Variants in FOXO3 observed in about 807,000 individuals in gnomAD.
FOXO3 encodes forkhead box O3.
Under a neutral mutation model 41.9 loss-of-function variants are expected in FOXO3, and 4 were observed. The ratio of observed to expected loss-of-function variants is 0.10; its 90% CI spans 0.05 to 0.22. The LOEUF (loss-of-function observed/expected upper bound fraction) is 0.22. FOXO3 is among the 10% of genes least tolerant of loss of function. FOXO3 has a pLI of 1.00. For synonymous variants in FOXO3, 318 were observed against 389.3 expected (o/e 0.82, Z 2.16); for missense variants, 534 against 906.8 (o/e 0.59, Z 5.28).
At chr6:108,675,725 C>T (rs1770561197) in intron 2 of FOXO3, among the ~76,000 whole-genome samples, 1 of 152,170 alleles carries the variant, frequency 6.6e-6, no homozygotes, top group African/African-American at 2.4e-5. Flanking sequence ...ACTAGGAAAA[C>T]AGTTGATAAC....
intron 1 of FOXO3, among the ~76,000 whole-genome samples, chr6:108,632,823 A>T (rs762185226): frequency 6.6e-6 from 1 of 152,162 alleles, no homozygotes; most frequent in Non-Finnish European, 1.5e-5. Context: ...GGAGGGGTAT[A>T]TGGAGAGATT....
intron 1 of FOXO3, among the ~76,000 whole-genome samples, chr6:108,653,097 G>A (rs939458091): frequency 6.6e-6 from 1 of 152,196 alleles, no homozygotes; most frequent in African/African-American, 2.4e-5. Context: ...CCAGTGATGA[G>A]ACTTTTCAAC....
At chr6:108,679,521 C>T (rs1183446663) in intron 2 of FOXO3, among the ~76,000 whole-genome samples, 1 of 152,146 alleles carries the variant, frequency 6.6e-6, no homozygotes, top group Non-Finnish European at 1.5e-5. Flanking sequence ...AAAAAGGACC[C>T]ACCAAAACAC....
chr6:108,618,401 G>C, intron 1 of FOXO3: 1 of 489,052 alleles, frequency 2.0e-6, no homozygotes, highest in Non-Finnish European at 3.8e-6. Flanking sequence ...AGCAGCAGAT[G>C]AAGGAGAGGG....
intron 1 of FOXO3, among the ~76,000 whole-genome samples, chr6:108,629,414 AAGACTACCAGTAGGGAG>A (rs1777898898): frequency 6.6e-6 from 1 of 152,118 alleles, no homozygotes; most frequent in Admixed American, 6.6e-5. Flanking sequence ...AAGGTAAGGA[AAGACTACCAGTAGGGAG>A]AGGTCTGGTA....
intron 1 of FOXO3, among the ~76,000 whole-genome samples, chr6:108,605,430 TC>T (rs1777172382): frequency 6.6e-6 from 1 of 152,350 alleles, no homozygotes; most frequent in African/African-American, 2.4e-5. Flanking sequence ...CTATTTTTTT[TC>T]ATTTTATTTT....
In FOXO3 at chr6:108,600,651, T is replaced by C. The variant is rs189374750; in HGVS notation, c.621+38822T>C. On this transcript the variant is annotated intron_variant, in intron 1 of 2. Transcript: ENST00000406360. The stretch of plus-strand genomic sequence containing the variant: ...CAACCTATAATTCTGCAATCAATTA[T>C]TGTTAATTTTTTGTGTGCATATTTC... Among the ~76,000 whole-genome samples, 502 of 152,138 alleles carry C rather than the reference T, an allele frequency of 3.3e-3. 2 individuals are homozygous for C. The highest frequency in any genetic ancestry group is 5.2e-3 in the Non-Finnish European group (355 of 68,016).
intron 1 of FOXO3, among the ~76,000 whole-genome samples, chr6:108,661,774 C>G (rs779228353): frequency 2.0e-5 from 3 of 152,208 alleles, no homozygotes; most frequent in Non-Finnish European, 4.4e-5. Context: ...TGGGTCATCA[C>G]TGTCAACTGG....
At chr6:108,591,682 G>A (rs547009688) in intron 1 of FOXO3, among the ~76,000 whole-genome samples, 6 of 152,210 alleles carry the variant, frequency 3.9e-5, no homozygotes, top group Admixed American at 3.3e-4. Flanking sequence ...TCAAGTTATC[G>A]TTTTTCTTTC....
rs182246185 is a variant in FOXO3 at position 108,676,086 on chromosome 6, G to A, written c.*35-3741G>A. On this transcript the variant is annotated intron_variant, in intron 2 of 2. Coordinates refer to ENST00000406360, the MANE Select transcript of FOXO3 (RefSeq NM_001455.4). Reference sequence around the variant, plus strand: ...CACCAGAGACCAGATGACAGCATCCGTAGATATTTTTAGAATGGACCTCAT... The same window carrying A: ...CACCAGAGACCAGATGACAGCATCCATAGATATTTTTAGAATGGACCTCAT... 2.0e-5 allele frequency among the ~76,000 whole-genome samples: 3 copies of A among 152,268 alleles called. No homozygotes were observed. The East Asian group carries it at 5.8e-4, about 29-fold the overall frequency.
chr6:108,623,369 G>T (rs1238408762), intron 1 of FOXO3, among the ~76,000 whole-genome samples: 1 of 152,214 alleles, frequency 6.6e-6, no homozygotes, highest in African/African-American at 2.4e-5. Flanking sequence ...GAACCCACCT[G>T]CACATGTAAA....
At chr6:108,575,829 T>C (rs1031142101) in intron 1 of FOXO3, among the ~76,000 whole-genome samples, 2 of 152,184 alleles carry the variant, frequency 1.3e-5, no homozygotes, top group African/African-American at 4.8e-5. Flanking sequence ...CACAGACTAA[T>C]AACATTTTGA....
chr6:108,633,576 T>A (rs1778033601), intron 1 of FOXO3, among the ~76,000 whole-genome samples: 1 of 152,202 alleles, frequency 6.6e-6, no homozygotes, highest in African/African-American at 2.4e-5. Context: ...TTGATGCATT[T>A]ACTACATGAA....
chr6:108,619,208 T>C (rs963178169), intron 1 of FOXO3, among the ~76,000 whole-genome samples: 1 of 152,180 alleles, frequency 6.6e-6, no homozygotes, highest in Non-Finnish European at 1.5e-5. Context: ...AAAAAAGAAA[T>C]CAGTGTAACC....
At chr6:108,563,162 TGAAAAAGTTAAA>T (rs1289862723) in intron 1 of FOXO3, among the ~76,000 whole-genome samples, 1 of 152,210 alleles carries the variant, frequency 6.6e-6, no homozygotes, top group Non-Finnish European at 1.5e-5. Flanking sequence ...AGCCTGTAGA[TGAAAAAGTTAAA>T]GAACTTAATG....
chr6:108,640,733 T>G (rs945013704), intron 1 of FOXO3, among the ~76,000 whole-genome samples: 2 of 152,204 alleles, frequency 1.3e-5, no homozygotes, highest in South Asian at 2.1e-4. Flanking sequence ...TAGTAATGCC[T>G]TCTGGGCATC....
At chr6:108,627,155 T>G (rs1430122309) in intron 1 of FOXO3, among the ~76,000 whole-genome samples, 2 of 152,232 alleles carry the variant, frequency 1.3e-5, no homozygotes, top group Non-Finnish European at 2.9e-5. Context: ...TCTGATCTTA[T>G]GTGAGACCAT....
At position 108,581,532 on chromosome 6, in the gene FOXO3, A is replaced by G. The variant is rs1776420468; in HGVS notation, c.621+19703A>G. 2.6e-5 allele frequency among the ~76,000 whole-genome samples: 4 copies of G among 152,306 alleles called. No individual in the cohort carries two copies. The South Asian group carries it at 8.3e-4, about 32-fold the overall frequency. Reference sequence around the variant, plus strand: ...TAATGAGCCTGCTTTATAATTTAAAATGCAAGCAGATTTACTTTCAGTTTC... The same window carrying G: ...TAATGAGCCTGCTTTATAATTTAAAGTGCAAGCAGATTTACTTTCAGTTTC... On this transcript the variant is annotated intron_variant, in intron 1 of 2. Transcript: ENST00000406360.
intron 1 of FOXO3, among the ~76,000 whole-genome samples, chr6:108,637,423 G>T (rs1351073089): frequency 6.6e-6 from 1 of 152,084 alleles, no homozygotes; most frequent in Non-Finnish European, 1.5e-5. Context: ...AATCCAGCCC[G>T]TGGTTCTCCC....
Sources: allele counts gnomAD v4.1 joint callset (sites outside exome capture counted in the v4.1 genomes callset), GRCh38; gene constraint gnomAD v4.1.1; transcripts MANE v1.5; gene names NCBI Gene and HGNC (gene_info 2026-07-23, HGNC 2026-07-21).